TOM1L1: variants seen among roughly 807,000 people sequenced by gnomAD.
The protein encoded by TOM1L1 is target of myb1 like 1 membrane trafficking protein.
Under a neutral mutation model 63.4 loss-of-function variants are expected in TOM1L1, and 64 were observed. That is an observed-to-expected ratio of 1.01 (90% confidence interval 0.83 to 1.24). The LOEUF (loss-of-function observed/expected upper bound fraction) is 1.24. TOM1L1 is among the 50% of genes most tolerant of loss of function. TOM1L1 has a pLI of 0.00. For synonymous variants in TOM1L1, 166 were observed against 194.4 expected (o/e 0.85, Z 1.22); for missense variants, 536 against 567.0 (o/e 0.95, Z 0.55).
intron 7 of TOM1L1, among the ~76,000 whole-genome samples, chr17:54,926,086 C>T (rs1051080622): frequency 6.6e-6 from 1 of 152,226 alleles, no homozygotes; most frequent in African/African-American, 2.4e-5. Flanking sequence ...CCAACCCACA[C>T]TGAACAATTA....
At chr17:54,912,568 G>T in intron 3 of TOM1L1, 98 bp from the exon 4 acceptor site, 1 of 983,096 alleles carries the variant, frequency 1.0e-6, no homozygotes, top group Non-Finnish European at 1.4e-6. Context: ...TGTTAATTAG[G>T]ATGCTGATGG....
At chr17:54,926,641 G>GA (rs11393749) in intron 7 of TOM1L1, among the ~76,000 whole-genome samples, 51,307 of 143,236 alleles carry the variant, frequency 0.36, 9,984 homozygotes, top group African/African-American at 0.56. Flanking sequence ...GTAACCAGTT[G>GA]AAAAAAAAAA....
chr17:54,924,750 T>TAA (rs5821076), intron 7 of TOM1L1, among the ~76,000 whole-genome samples: 114,426 of 152,040 alleles, frequency 0.75, 43,419 homozygotes, highest in African/African-American at 0.84. Context: ...AATCATTCAG[T>TAA]AAACAGGCTT....
At chr17:54,952,052 A>G (rs1023613301) in intron 14 of TOM1L1, 1 of 152,188 alleles carries the variant, frequency 6.6e-6, no homozygotes, top group Non-Finnish European at 1.5e-5. Context: ...CTAAAACTAA[A>G]TATGTTTTAG....
chr17:54,952,728 T>A (rs907332654), intron 14 of TOM1L1: 1 of 152,122 alleles, frequency 6.6e-6, no homozygotes, highest in Non-Finnish European at 1.5e-5. Context: ...AGTCTAATGC[T>A]ATACAATTAT....
chr17:54,939,671 C>A (rs2049005562), intron 11 of TOM1L1, among the ~76,000 whole-genome samples: 1 of 152,148 alleles, frequency 6.6e-6, no homozygotes, highest in Non-Finnish European at 1.5e-5. Flanking sequence ...GATACTCCCA[C>A]CTCAACCTCT....
intron 7 of TOM1L1, among the ~76,000 whole-genome samples, chr17:54,921,738 A>AACAATAAAAT (rs2048687266): frequency 1.3e-5 from 2 of 152,254 alleles, no homozygotes; most frequent in African/African-American, 4.8e-5. Flanking sequence ...CTCAAAAAAT[A>AACAATAAAAT]AAAATAAAAT....
chr17:54,936,442 T>C, intron 8 of TOM1L1: 1 of 440,572 alleles, frequency 2.3e-6, no homozygotes, highest in Non-Finnish European at 4.0e-6. Flanking sequence ...TTTTTTTAAA[T>C]ACTTTTCTAT....
chr17:54,928,887 C>T (rs1299772880), intron 7 of TOM1L1, among the ~76,000 whole-genome samples: 1 of 152,062 alleles, frequency 6.6e-6, no homozygotes, highest in Non-Finnish European at 1.5e-5. Flanking sequence ...GTGGCTTTTA[C>T]CTCTGAGTCT....
chr17:54,903,331 G>A (rs1184789937), intron 1 of TOM1L1, among the ~76,000 whole-genome samples: 1 of 152,162 alleles, frequency 6.6e-6, no homozygotes, highest in African/African-American at 2.4e-5. Flanking sequence ...TCTCACAGTG[G>A]GTTAAATGAA....
chr17:54,950,005 A>C, intron 13 of TOM1L1, 40 bp from the exon 14 acceptor site: 1 of 1,534,460 alleles, frequency 6.5e-7, no homozygotes, highest in South Asian at 1.2e-5. Flanking sequence ...TACTCCTCAA[A>C]AAGCACAATA....
intron 7 of TOM1L1, among the ~76,000 whole-genome samples, chr17:54,919,937 G>A (rs2048653505): frequency 6.6e-6 from 1 of 151,850 alleles, no homozygotes; most frequent in South Asian, 2.1e-4. Flanking sequence ...TAGACTGTGG[G>A]GAAATAGAGA....
chr17:54,948,917 CAG>C (rs915424089), intron 12 of TOM1L1, among the ~76,000 whole-genome samples: 10 of 152,158 alleles, frequency 6.6e-5, no homozygotes, highest in Admixed American at 5.9e-4. Flanking sequence ...AGTGAAACAA[CAG>C]AGAATCTGGC....
chr17:54,912,907 ATC>A (rs1198834398), intron 4 of TOM1L1, 92 bp downstream of exon 4: 2 of 1,141,686 alleles, frequency 1.8e-6, no homozygotes, highest in African/African-American at 3.2e-5. Flanking sequence ...TCTTTTATAT[ATC>A]TAGGATTGAG....
At chr17:54,937,561 C>T (rs79490296) in intron 10 of TOM1L1, 38 of 234,604 alleles carry the variant, frequency 1.6e-4, no homozygotes, top group Non-Finnish European at 2.8e-4. Context: ...GGTTTTTCTG[C>T]TATACCTCAG....
chr17:54,912,504 T>C (rs2048513007), intron 3 of TOM1L1, among the ~76,000 whole-genome samples, 162 bp from the exon 4 acceptor site: 9 of 152,234 alleles, frequency 5.9e-5, no homozygotes, highest in Admixed American at 5.2e-4. Context: ...TACTTCCACA[T>C]ATCCCCAGAA....
intron 7 of TOM1L1, among the ~76,000 whole-genome samples, chr17:54,920,424 T>C (rs756425026): frequency 6.6e-6 from 1 of 152,104 alleles, no homozygotes; most frequent in Non-Finnish European, 1.5e-5. Flanking sequence ...CCCATTGAAA[T>C]GACAGAAGAA....
At position 54,949,644 on chromosome 17, in the gene TOM1L1, C is replaced by T. The variant is rs374847575; in HGVS notation, c.1288+21C>T. 612 of 1,558,126 alleles carry T rather than the reference C, an allele frequency of 3.9e-4. 1 individual carries two copies. The highest frequency in any genetic ancestry group is 1.3e-3 in the Admixed American group (75 of 59,852). On this transcript the variant is annotated intron_variant, in intron 13 of 15. Transcript: ENST00000575882. ...TCCAGGTACATGGGACCTTATTATTCGCATCAAATAAGGAAACTTATGAGA... is the reference window on the plus strand; with the variant it reads ...TCCAGGTACATGGGACCTTATTATTTGCATCAAATAAGGAAACTTATGAGA...
At chr17:54,935,282 T>G (rs2048927690) in intron 8 of TOM1L1, among the ~76,000 whole-genome samples, 1 of 151,918 alleles carries the variant, frequency 6.6e-6, no homozygotes, top group Non-Finnish European at 1.5e-5. Flanking sequence ...AGTCACAAAG[T>G]GTTCAGTGGG....
Sources: gnomAD v4.1 joint callset for allele counts (sites outside exome capture counted in the v4.1 genomes callset) on GRCh38, gnomAD v4.1.1 for gene constraint, MANE v1.5 for transcripts, NCBI Gene and HGNC (gene_info 2026-07-23, HGNC 2026-07-21) for gene names.